SHTN1: variants seen among roughly 807,000 people sequenced by gnomAD.
The protein encoded by SHTN1 is shootin 1.
A neutral mutation model predicts 83.1 loss-of-function variants in SHTN1; 42 were observed. The ratio of observed to expected loss-of-function variants is 0.51; its 90% CI spans 0.39 to 0.65. The LOEUF is 0.65. Among genes scored for constraint, SHTN1 ranks in the 30% least tolerant of loss-of-function variants. SHTN1 has a pLI of 0.00. For missense variants in SHTN1, 622 were observed against 737.8 expected (o/e 0.84, Z 1.82); for synonymous variants, 224 against 247.7 (o/e 0.90, Z 0.90).
At position 117,081,643 on chromosome 10, in the gene SHTN1, C is replaced by G. The variant is rs1316317768; in HGVS notation, c.-188-33133G>C. Among the ~76,000 whole-genome samples, 14 of 145,756 alleles carry G rather than the reference C, an allele frequency of 9.6e-5. No individual in the cohort carries two copies. In the Admixed American group the frequency reaches 9.7e-4, roughly 10 times the overall value. On this transcript the variant is annotated intron_variant, in intron 1 of 17. Transcript: ENST00000392901. ...TCCTCCTTGTACCTCTGGTAGAATT[C>G]GGCTGTGAATCCATCTGGTCCTGGA... is the stretch of plus-strand genomic sequence containing the variant.
At chr10:117,126,104 G>A (rs535388357) in intron 1 of SHTN1, among the ~76,000 whole-genome samples, 199 of 152,298 alleles carry the variant, frequency 1.3e-3, no homozygotes, top group Middle Eastern at 3.4e-3. Flanking sequence ...GTGCTGGCAG[G>A]GGCCTTTCAG....
chr10:116,886,867 A>G (rs1847180890), intron 16 of SHTN1, among the ~76,000 whole-genome samples: 1 of 152,212 alleles, frequency 6.6e-6, no homozygotes, highest in Admixed American at 6.5e-5. Flanking sequence ...GGAAGCGTAA[A>G]GCTCATGGAC....
chr10:116,973,409 A>G (rs979346269), intron 2 of SHTN1, among the ~76,000 whole-genome samples: 6 of 152,204 alleles, frequency 3.9e-5, no homozygotes, highest in Admixed American at 6.5e-5. Context: ...CAATCTATAC[A>G]TACGCAAGTA....
At chr10:117,006,350 AG>A (rs1280557618), upstream of SHTN1, among the ~76,000 whole-genome samples, 11 of 151,502 alleles carry the variant, frequency 7.3e-5, no homozygotes, top group Non-Finnish European at 1.0e-4. Flanking sequence ...GCAGATCACG[AG>A]GTCAGGAGAT....
intron 9 of SHTN1, among the ~76,000 whole-genome samples, chr10:116,937,748 G>C (rs1266152478): frequency 6.6e-6 from 1 of 152,052 alleles, no homozygotes; most frequent in Non-Finnish European, 1.5e-5. Context: ...ATAATATCCT[G>C]AAAAGTGTTT....
At chr10:117,078,230 C>T (rs545049446) in intron 1 of SHTN1, among the ~76,000 whole-genome samples, 43 of 152,256 alleles carry the variant, frequency 2.8e-4, no homozygotes, top group African/African-American at 9.6e-4. Context: ...ATGGCTCTAC[C>T]GGTATGACTC....
chr10:117,053,011 CTG>C (rs1852770721), intron 1 of SHTN1, among the ~76,000 whole-genome samples: 2 of 4,580 alleles, frequency 4.4e-4, no homozygotes, highest in Non-Finnish European at 7.6e-3. Context: ...CAGAGCAAGA[CTG>C]TGTCTCAAAA....
In SHTN1 at chr10:117,073,107, AAG is replaced by A. The variant is rs200826103; in HGVS notation, c.-188-24599_-188-24598del. Among the ~76,000 whole-genome samples the A allele has an allele frequency of 1.3e-3, 199 of 152,328 alleles. No homozygotes were observed. In the East Asian group the frequency reaches 0.016, roughly 12 times the overall value. On this transcript the variant is annotated intron_variant, in intron 1 of 17. Transcript: ENST00000392901. ...GCAATAGAATTGAACAAGTAAAAGAAAGAAATTCAGAGCTCAAAGACAAGGTC... is the reference window on the plus strand; with the variant it reads ...GCAATAGAATTGAACAAGTAAAAGAAAAATTCAGAGCTCAAAGACAAGGTC...
At chr10:117,045,588 G>T (rs4123200) in intron 2 of SHTN1, among the ~76,000 whole-genome samples, 134,786 of 152,220 alleles carry the variant, frequency 0.89, 61,019 homozygotes, top group Non-Finnish European at 0.98. Context: ...TAGAAGAAAT[G>T]TTAGCTTCTG....
At chr10:117,005,479 G>A, upstream of SHTN1, 2 of 1,026,684 alleles carry the variant, frequency 1.9e-6, no homozygotes, top group South Asian at 3.8e-5. Context: ...CGAGTTCAGA[G>A]AAAACCGGCT....
chr10:116,927,607 G>T (rs778591176), intron 11 of SHTN1, among the ~76,000 whole-genome samples, 185 bp downstream of exon 11: 1 of 152,184 alleles, frequency 6.6e-6, no homozygotes, highest in Non-Finnish European at 1.5e-5. Flanking sequence ...CGTGAGAATT[G>T]TGGGAGCTAC....
At position 116,934,868 on chromosome 10, in the gene SHTN1, G is replaced by T. The variant is rs545045844; in HGVS notation, c.859-4866C>A. Among the ~76,000 whole-genome samples the T allele has an allele frequency of 8.4e-4, 128 of 152,074 alleles. 2 individuals carry two copies. The South Asian group carries it at 0.022, about 26-fold the overall frequency. ...CTTGAGCAGTGGTTTGTAGTTCTCC[G>T]TGAAGAGGTCCTTCACATCCCTTGT... is the stretch of plus-strand genomic sequence containing the variant. On this transcript the variant is annotated intron_variant, in intron 9 of 16. Coordinates refer to ENST00000355371, the MANE Select transcript of SHTN1 (RefSeq NM_001127211.3).
intron 9 of SHTN1, among the ~76,000 whole-genome samples, chr10:116,935,604 AG>A (rs1324738367): frequency 3.9e-5 from 6 of 152,172 alleles, no homozygotes; most frequent in Non-Finnish European, 8.8e-5. Context: ...GATGTTCATC[AG>A]GGGTATTAGC....
intron 1 of SHTN1, among the ~76,000 whole-genome samples, chr10:117,054,151 T>A (rs1049675714): frequency 1.3e-5 from 2 of 152,104 alleles, no homozygotes; most frequent in Non-Finnish European, 2.9e-5. Context: ...GAAATTGAAT[T>A]CCCTGCCACC....
intron 9 of SHTN1, among the ~76,000 whole-genome samples, chr10:116,939,295 G>A (rs781117049): frequency 4.9e-4 from 74 of 152,324 alleles, no homozygotes; most frequent in Admixed American, 3.1e-3. Flanking sequence ...CCCTGGTGGT[G>A]TAGGCACCCA....
intron 2 of SHTN1, among the ~76,000 whole-genome samples, chr10:117,042,758 G>C (rs1274302747): frequency 2.6e-5 from 4 of 152,000 alleles, no homozygotes; most frequent in Non-Finnish European, 5.9e-5. Context: ...TGGGACTACA[G>C]GCGTACACCA....
intron 3 of SHTN1, among the ~76,000 whole-genome samples, chr10:116,966,300 G>A (rs1489244827): frequency 6.6e-6 from 1 of 152,112 alleles, no homozygotes; most frequent in Admixed American, 6.6e-5. Flanking sequence ...GAGCCACTGC[G>A]CCTGGCCAAG....
chr10:116,899,198 AAT>A (rs202112550), intron 16 of SHTN1, among the ~76,000 whole-genome samples: 1 of 152,184 alleles, frequency 6.6e-6, no homozygotes, highest in African/African-American at 2.4e-5. Flanking sequence ...GGAGAGAAAA[AAT>A]AAAACAATAA....
intron 2 of SHTN1, among the ~76,000 whole-genome samples, chr10:117,045,675 C>G (rs1311526281): frequency 1.3e-5 from 2 of 152,130 alleles, no homozygotes; most frequent in Non-Finnish European, 2.9e-5. Context: ...GCCTATTTAC[C>G]TCAATTCCTT....
Sources: allele counts gnomAD v4.1 joint callset (sites outside exome capture counted in the v4.1 genomes callset), GRCh38; gene constraint gnomAD v4.1.1; transcripts MANE v1.5; gene names NCBI Gene and HGNC (gene_info 2026-07-23, HGNC 2026-07-21).